PLPP7: variants seen among roughly 807,000 people sequenced by gnomAD.
PLPP7 encodes phospholipid phosphatase 7 (inactive), also known as inactive phospholipid phosphatase 7.
A neutral mutation model predicts 16.9 loss-of-function variants in PLPP7; 11 were observed. That is an observed-to-expected ratio of 0.65 (90% CI 0.41 to 1.08). The LOEUF (loss-of-function observed/expected upper bound fraction) is 1.08. Among genes scored for constraint, PLPP7 ranks in the 50% least tolerant of loss-of-function variants. PLPP7 has a pLI of 0.00. For missense variants in PLPP7, 358 were observed against 397.1 expected, an observed-to-expected ratio of 0.90 and a Z score of 0.84; for synonymous variants, 174 against 175.1, an observed-to-expected ratio of 0.99 and a Z score of 0.05.
At chr9:131,299,237 C>T (rs1395511520) in intron 1 of PLPP7, among the ~76,000 whole-genome samples, 1 of 151,962 alleles carries the variant, frequency 6.6e-6, no homozygotes, top group Non-Finnish European at 1.5e-5. Flanking sequence ...GGCTGAGTGA[C>T]CTCCCTGAAA....
intron 1 of PLPP7, chr9:131,291,053 CG>C: frequency 7.3e-7 from 1 of 1,365,544 alleles, no homozygotes; most frequent in Non-Finnish European, 9.8e-7. Context: ...GAGAAGGGTT[CG>C]GGGGGCCAGT....
At chr9:131,299,249 G>A (rs1252805520) in intron 1 of PLPP7, among the ~76,000 whole-genome samples, 1 of 152,066 alleles carries the variant, frequency 6.6e-6, no homozygotes, top group Non-Finnish European at 1.5e-5. Context: ...TCCCTGAAAC[G>A]TGCACATAGC....
At chr9:131,304,608 C>G (rs991053888) in intron 1 of PLPP7, among the ~76,000 whole-genome samples, 1 of 152,140 alleles carries the variant, frequency 6.6e-6, no homozygotes, top group African/African-American at 2.4e-5. Flanking sequence ...GTACTCCAGC[C>G]TGGGTGACAG....
chr9:131,292,930 A>T, intron 1 of PLPP7: 3 of 985,402 alleles, frequency 3.0e-6, no homozygotes, highest in Non-Finnish European at 3.6e-6. Context: ...AAAGATGAAG[A>T]TTTGAGTTGC....
intron 1 of PLPP7, chr9:131,291,151 T>G: frequency 7.3e-7 from 1 of 1,366,398 alleles, no homozygotes; most frequent in Non-Finnish European, 9.8e-7. Flanking sequence ...GGGGCCCATG[T>G]GGAGGCAAGC....
intron 1 of PLPP7, among the ~76,000 whole-genome samples, chr9:131,297,574 C>CG: frequency 6.6e-6 from 1 of 152,116 alleles, no homozygotes; most frequent in Admixed American, 6.5e-5. Context: ...TTAGTAGAGA[C>CG]GGGGTTTCAC....
intron 1 of PLPP7, among the ~76,000 whole-genome samples, chr9:131,294,613 GT>G (rs1170571434): frequency 6.6e-6 from 1 of 152,100 alleles, no homozygotes; most frequent in Non-Finnish European, 1.5e-5. Flanking sequence ...AATGCCTCTG[GT>G]CTTGTTCCTT....
At chr9:131,304,291 T>C (rs1006772738) in intron 1 of PLPP7, among the ~76,000 whole-genome samples, 1 of 151,996 alleles carries the variant, frequency 6.6e-6, no homozygotes, top group Non-Finnish European at 1.5e-5. Flanking sequence ...CACAGCAGGG[T>C]GTGGCAGAGA....
At chr9:131,302,419 T>C (rs1835809358) in intron 1 of PLPP7, among the ~76,000 whole-genome samples, 1 of 152,104 alleles carries the variant, frequency 6.6e-6, no homozygotes, top group African/African-American at 2.4e-5. Flanking sequence ...TCAGCACAGC[T>C]ACCTCCCTCT....
At chr9:131,292,994 T>C in intron 1 of PLPP7, 2 of 979,610 alleles carry the variant, frequency 2.0e-6, no homozygotes, top group Non-Finnish European at 2.4e-6. Flanking sequence ...AAAAACATCA[T>C]GTATTGAGCT....
intron 1 of PLPP7, among the ~76,000 whole-genome samples, chr9:131,296,461 C>G (rs992032415): frequency 6.6e-6 from 1 of 152,108 alleles, no homozygotes; most frequent in Non-Finnish European, 1.5e-5. Context: ...ACCATGTTGG[C>G]CAGGCTGGTC....
rs371197969 is a variant in PLPP7 at position 131,307,954 on chromosome 9, C to T, written c.483C>T (p.Gly161=). 1.0e-5 allele frequency: 16 copies of T among 1,595,890 alleles called. No individual in the cohort carries two copies. Among genetic ancestry groups the T allele is most frequent in the Middle Eastern group, 1.6e-4 (1 of 6,068 alleles). Residue 161 remains glycine, a synonymous_variant, in exon 2 of 2, where the codon GGC becomes GGT. Coordinates refer to ENST00000372264, the MANE Select transcript of PLPP7 (RefSeq NM_032728.4). ...ALLLDIMTVA[G]VQKLIKRRGP... ...TCCTGGACATCATGACGGTGGCCGG[C>T]GTGCAGAAGCTCATCAAGCGGCGCG...
At chr9:131,299,649 C>T (rs1404791678) in intron 1 of PLPP7, among the ~76,000 whole-genome samples, 1 of 152,142 alleles carries the variant, frequency 6.6e-6, no homozygotes, top group East Asian at 1.9e-4. Context: ...CCCGGCCAGA[C>T]GGCTGCGGCA....
chr9:131,291,752 T>G (rs1439664262), intron 1 of PLPP7, among the ~76,000 whole-genome samples: 1 of 152,034 alleles, frequency 6.6e-6, no homozygotes, highest in Non-Finnish European at 1.5e-5. Flanking sequence ...CAGCTAATTT[T>G]TGTATTTTTA....
intron 1 of PLPP7, among the ~76,000 whole-genome samples, chr9:131,298,532 G>C (rs1835760851): frequency 2.0e-5 from 3 of 151,528 alleles, no homozygotes; most frequent in Admixed American, 6.6e-5. Context: ...CAAAGACCCT[G>C]CCCTGCTCTG....
intron 1 of PLPP7, among the ~76,000 whole-genome samples, chr9:131,292,303 C>T (rs1835686792): frequency 6.6e-6 from 1 of 152,192 alleles, no homozygotes; most frequent in African/African-American, 2.4e-5. Context: ...CAACCCTGCT[C>T]CCTTGACCCC....
chr9:131,308,281 C>T lies in PLPP7; in HGVS notation c.810C>T (p.Ala270=). ...GCACCTGCCAGATGCTCATCTCTGC[C>T]TGGTGAAGCGCCCGCCGGCCCACAC... ...PSSTCQMLIS[A]W The change falls in exon 2 of 2, where the codon GCC becomes GCT. Residue 270 remains alanine, a synonymous_variant. Transcript: ENST00000372264. The T allele has an allele frequency of 6.3e-7, 1 of 1,583,680 alleles. No homozygotes were observed. Among genetic ancestry groups the T allele is most frequent in the Non-Finnish European group, 8.5e-7 (1 of 1,172,384 alleles).
chr9:131,299,095 T>C (rs987037672), intron 1 of PLPP7, among the ~76,000 whole-genome samples: 6 of 152,202 alleles, frequency 3.9e-5, no homozygotes, highest in African/African-American at 1.4e-4. Flanking sequence ...CATCCCAGCG[T>C]ATCCATGGCA....
rs562504465 is a variant in PLPP7, at chr9:131,304,464, G to A, written c.452-3459G>A. Among the ~76,000 whole-genome samples, 54 of 152,236 alleles carry A rather than the reference G, an allele frequency of 3.5e-4. No homozygotes were observed. The Middle Eastern group carries it at 0.014, about 38-fold the overall frequency. ...AGCCTGGCCAACATGGCGAAACCCC[G>A]TCTCTACTAAAAATACAGAAATTAG... On this transcript the variant is annotated intron_variant, in intron 1 of 1. Transcript: ENST00000372264.
Sources: gnomAD v4.1 joint callset for allele counts (sites outside exome capture counted in the v4.1 genomes callset) on GRCh38, gnomAD v4.1.1 for gene constraint, MANE v1.5 for transcripts, NCBI Gene and HGNC (gene_info 2026-07-23, HGNC 2026-07-21) for gene names.